Variants in DOCK9 observed in about 807,000 individuals in gnomAD.
DOCK9 encodes the protein dedicator of cytokinesis protein 9.
DOCK9 carries 89 observed loss-of-function variants against 263.3 expected under a neutral mutation model. That is an observed-to-expected ratio of 0.34 (90% CI 0.28 to 0.40). DOCK9 has a LOEUF of 0.40. Among genes scored for constraint, DOCK9 ranks in the 10% least tolerant of loss-of-function variants. The pLI is 1.00. For synonymous variants in DOCK9, 976 were observed against 973.1 expected (o/e 1.00, Z -0.06); for missense variants, 2,140 against 2,603.4 (o/e 0.82, Z 3.87).
At position 98,888,369 on chromosome 13, in the gene DOCK9, AGACTTCT is replaced by A; in HGVS notation, c.1961_1967del (p.Gln654LeufsTer60). The A allele has an allele frequency of 6.2e-7, 1 of 1,612,702 alleles. No individual in the cohort carries two copies. ...CCATCTTCACACTCACCTTGGCAAA[AGACTTCT>A]GACTGTCGTATTTCAAGTACTTAGG... is the stretch of plus-strand genomic sequence containing the variant. On this transcript the variant is annotated frameshift_variant, in exon 17 of 53. Transcript: ENST00000682017. LOFTEE classifies it high-confidence loss of function.
chr13:98,924,857 T>G (rs180675210), intron 4 of DOCK9, among the ~76,000 whole-genome samples: 2 of 152,230 alleles, frequency 1.3e-5, no homozygotes, highest in East Asian at 3.9e-4. Flanking sequence ...CCTGCAGAAC[T>G]ATAAGCGAAA....
chr13:98,816,281 A>G (rs570267840), intron 45 of DOCK9, among the ~76,000 whole-genome samples: 1 of 152,268 alleles, frequency 6.6e-6, no homozygotes, highest in East Asian at 1.9e-4. Flanking sequence ...TCCTCAGAGG[A>G]GCCAGAACTG....
intron 38 of DOCK9, among the ~76,000 whole-genome samples, chr13:98,845,094 G>A (rs1283825039): frequency 6.6e-6 from 1 of 152,132 alleles, no homozygotes; most frequent in Non-Finnish European, 1.5e-5. Context: ...CAGGTGTTCT[G>A]CTTTGAGAAA....
At chr13:98,797,081 A>G (rs1346569399) in intron 52 of DOCK9, 34 bp downstream of exon 52, 1 of 1,613,152 alleles carries the variant, frequency 6.2e-7, no homozygotes, top group African/African-American at 1.3e-5. Context: ...CCTAACCAAG[A>G]ACTCCAAGTT....
At chr13:98,923,594 T>C (rs185420796) in intron 4 of DOCK9, among the ~76,000 whole-genome samples, 29 of 152,308 alleles carry the variant, frequency 1.9e-4, no homozygotes, top group Non-Finnish European at 1.0e-4. Context: ...AAAGACAGCA[T>C]AGCTTCTGGG....
chr13:98,870,056 C>T (rs1307491468), intron 27 of DOCK9, among the ~76,000 whole-genome samples: 2 of 152,224 alleles, frequency 1.3e-5, no homozygotes, highest in African/African-American at 4.8e-5. Context: ...ATTTAAACCA[C>T]TATTATTATG....
chr13:98,916,054 G>A (rs1449673419), intron 7 of DOCK9, among the ~76,000 whole-genome samples: 19 of 152,148 alleles, frequency 1.2e-4, no homozygotes, highest in Admixed American at 5.2e-4. Context: ...CTCCCTGTCC[G>A]TGGCCTTGCC....
At position 98,829,271 on chromosome 13, in the gene DOCK9, T is replaced by C; in HGVS notation, c.4965+36A>G. The C allele has an allele frequency of 6.4e-7, 1 of 1,570,212 alleles. No individual in the cohort carries two copies. Among genetic ancestry groups the C allele is most frequent in the South Asian group, 1.2e-5 (1 of 86,388 alleles). On this transcript the variant is annotated intron_variant, in intron 43 of 52. Coordinates refer to ENST00000682017, the MANE Select transcript of DOCK9 (RefSeq NM_001366683.2). The surrounding 1 kb of genome is among the most constrained non-coding windows in gnomAD (Gnocchi z 4.1). ...AGTGAATGGGGCCTCACTGGTTTTT[T>C]CAAAAACCCATTCAAGCGGCTGGCA...
chr13:99,052,253 C>A (rs2040732113), intron 1 of DOCK9, among the ~76,000 whole-genome samples: 1 of 152,192 alleles, frequency 6.6e-6, no homozygotes, highest in South Asian at 2.1e-4. Flanking sequence ...CTAATGTCAG[C>A]ATCCTGTGCT....
chr13:99,038,770 C>G (rs911524058), intron 1 of DOCK9, among the ~76,000 whole-genome samples: 2 of 152,180 alleles, frequency 1.3e-5, no homozygotes, highest in Non-Finnish European at 2.9e-5. Context: ...CATGTGTATT[C>G]TTTAAAGGGG....
intron 1 of DOCK9, among the ~76,000 whole-genome samples, chr13:99,037,644 T>A (rs1888028620): frequency 6.6e-6 from 1 of 152,154 alleles, no homozygotes; most frequent in East Asian, 1.9e-4. Flanking sequence ...AAAACACATA[T>A]CCATATAAAA....
At chr13:98,982,808 C>A (rs990659021), upstream of DOCK9, among the ~76,000 whole-genome samples, 3 of 152,212 alleles carry the variant, frequency 2.0e-5, no homozygotes, top group African/African-American at 4.8e-5. Context: ...ATTTTCACTA[C>A]TACTAAAAAT....
At chr13:98,838,667 T>C (rs909933823) in intron 38 of DOCK9, among the ~76,000 whole-genome samples, 4 of 152,250 alleles carry the variant, frequency 2.6e-5, no homozygotes, top group Admixed American at 1.3e-4. Flanking sequence ...TGAAATGGTA[T>C]GCATTAGCAG....
At chr13:99,025,118 C>T (rs1595932140) in intron 1 of DOCK9, 2 of 152,272 alleles carry the variant, frequency 1.3e-5, no homozygotes, top group East Asian at 1.9e-4. Context: ...CATTCCTTGA[C>T]GTTTATGTGA....
At chr13:99,008,210 CTCTATATA>C (rs1420811321) in intron 1 of DOCK9, among the ~76,000 whole-genome samples, 143 of 72,668 alleles carry the variant, frequency 2.0e-3, no homozygotes, top group South Asian at 0.014. Context: ...CTCTCTCTCT[CTCTATATA>C]TATATATATA....
At chr13:98,883,733 T>C in intron 22 of DOCK9, 80 bp downstream of exon 22, 1 of 841,212 alleles carries the variant, frequency 1.2e-6, no homozygotes, top group Non-Finnish European at 1.8e-6. Flanking sequence ...TATAACACAT[T>C]AGGATTTTTT....
intron 1 of DOCK9, among the ~76,000 whole-genome samples, chr13:99,047,195 C>T (rs147139710): frequency 1.3e-4 from 20 of 152,248 alleles, no homozygotes; most frequent in African/African-American, 4.8e-4. Context: ...CGCCAGCTGA[C>T]CCTAGAAGTA....
intron 1 of DOCK9, among the ~76,000 whole-genome samples, chr13:98,990,465 T>C (rs545140026): frequency 6.6e-6 from 1 of 152,318 alleles, no homozygotes; most frequent in South Asian, 2.1e-4. Flanking sequence ...TGAGAGTATG[T>C]TAAATAACAC....
At chr13:99,007,562 T>C (rs902785836) in intron 1 of DOCK9, among the ~76,000 whole-genome samples, 1 of 152,172 alleles carries the variant, frequency 6.6e-6, no homozygotes, top group African/African-American at 2.4e-5. Context: ...TACTTCTGAA[T>C]ATCCATGAAA....
Sources: allele counts gnomAD v4.1 joint callset (sites outside exome capture counted in the v4.1 genomes callset), GRCh38; gene constraint gnomAD v4.1.1; non-coding constraint Gnocchi (gnomAD v3.1); transcripts MANE v1.5; gene names NCBI Gene and HGNC (gene_info 2026-07-23, HGNC 2026-07-21).